SLC35G2: variants seen among roughly 807,000 people sequenced by gnomAD.
SLC35G2 encodes transmembrane protein 22.
SLC35G2 carries 20 observed loss-of-function variants against 27.2 expected under a neutral mutation model. The ratio of observed to expected loss-of-function variants is 0.74; its 90% CI spans 0.52 to 1.07. SLC35G2 has a LOEUF of 1.07. SLC35G2 is among the 50% of genes least tolerant of loss of function. The probability of loss-of-function intolerance (pLI) is 0.00; values close to 1 mark genes in which losing one functional copy is unlikely to be tolerated. For missense variants in SLC35G2, 416 were observed against 493.3 expected, an observed-to-expected ratio of 0.84 and a Z score of 1.48; for synonymous variants, 148 against 165.3, an observed-to-expected ratio of 0.90 and a Z score of 0.80.
intron 1 of SLC35G2, among the ~76,000 whole-genome samples, chr3:136,849,093 C>A (rs1236508610): frequency 6.6e-6 from 1 of 151,690 alleles, no homozygotes; most frequent in Non-Finnish European, 1.5e-5. Context: ...GCAGGAGAGT[C>A]GCTTGAATCC....
chr3:136,826,382 G>T (rs1016517630), intron 1 of SLC35G2, among the ~76,000 whole-genome samples: 8 of 152,122 alleles, frequency 5.3e-5, no homozygotes, highest in African/African-American at 9.7e-5. Flanking sequence ...ATTCAGTAAA[G>T]TTGCAGGATA....
rs1471820875 is a variant in SLC35G2 at position 136,832,937 on chromosome 3, C to T, written c.-19+13309C>T. 5.3e-5 allele frequency among the ~76,000 whole-genome samples: 8 copies of T among 151,996 alleles called. 1 individual carries two copies. The highest frequency in any genetic ancestry group is 4.1e-4 in the South Asian group (2 of 4,822). ...CAAAAAAATTAGCCAGGCATGGTGG[C>T]GGGCGCCTGTAGTCCCAGCTACTTG... On this transcript the variant is annotated intron_variant, in intron 1 of 1. Transcript: ENST00000446465.
chr3:136,829,085 ACGT>A (rs1936659283), intron 1 of SLC35G2, among the ~76,000 whole-genome samples: 1 of 152,146 alleles, frequency 6.6e-6, no homozygotes, highest in Non-Finnish European at 1.5e-5. Flanking sequence ...TGTACTGTCT[ACGT>A]CTTGAAAATT....
rs759236166 is a variant in SLC35G2, at chr3:136,854,967, C to G, written c.507C>G (p.Phe169Leu). 6.2e-7 allele frequency: 1 copy of G among 1,614,142 alleles called. No homozygotes were observed. Among genetic ancestry groups the G allele is most frequent in the Non-Finnish European group, 8.5e-7 (1 of 1,180,018 alleles). Residue 169 changes from phenylalanine to leucine, a missense_variant, in exon 2 of 2, where the codon TTC becomes TTG. By Grantham distance (22) the Phe-to-Leu change is conservative. Transcript: ENST00000446465. ...FGPSGYRLRL[F>L]FYGVCNVISI... ...CCAGTGGATACAGATTACGACTCTT[C>G]TTTTATGGTGTATGCAATGTCATTT...
chr3:136,834,465 G>A (rs1040044799), intron 1 of SLC35G2, among the ~76,000 whole-genome samples: 1 of 152,238 alleles, frequency 6.6e-6, no homozygotes. Flanking sequence ...GAGTAGCTGG[G>A]ATTATAGGCA....
chr3:136,829,965 T>C (rs1451361877), intron 1 of SLC35G2, among the ~76,000 whole-genome samples: 2 of 152,042 alleles, frequency 1.3e-5, no homozygotes, highest in East Asian at 1.9e-4. Flanking sequence ...TCTCTTTCTC[T>C]AGGTTTGGGA....
chr3:136,836,884 G>T (rs1461753991), intron 1 of SLC35G2, among the ~76,000 whole-genome samples: 4 of 152,146 alleles, frequency 2.6e-5, no homozygotes, highest in African/African-American at 9.7e-5. Flanking sequence ...TGAAATTCTA[G>T]GAGCTGGATG....
chr3:136,820,202 G>C (rs1936414464), intron 1 of SLC35G2: 1 of 152,116 alleles, frequency 6.6e-6, no homozygotes, highest in African/African-American at 2.4e-5. Context: ...GAGTGCTGGG[G>C]GTGGGTCCAG....
rs1379074797 is a variant in SLC35G2, at chr3:136,855,278, T to C, written c.818T>C (p.Ile273Thr). The change falls in exon 2 of 2, where the codon ATA (isoleucine) becomes ACA (threonine). Residue 273 changes from isoleucine to threonine, a missense_variant. Coordinates refer to ENST00000446465, the MANE Select transcript of SLC35G2 (RefSeq NM_025246.3). ...GGACTGACCACTGCTCTCTCAATGA[T>C]AGTATACAGATCCATCAAGGAGAAG... ...MAGLTTALSM[I>T]VYRSIKEKIS... The C allele has an allele frequency of 6.2e-6, 10 of 1,614,212 alleles. No individual in the cohort carries two copies. Among genetic ancestry groups the C allele is most frequent in the Middle Eastern group, 1.6e-4 (1 of 6,062 alleles).
chr3:136,819,851 A>G (rs1936401439), intron 1 of SLC35G2: 1 of 152,200 alleles, frequency 6.6e-6, no homozygotes. Context: ...TTAGTGGAGG[A>G]AGGGCCTCGT....
At chr3:136,820,748 G>C (rs982602167) in intron 1 of SLC35G2, among the ~76,000 whole-genome samples, 8 of 152,080 alleles carry the variant, frequency 5.3e-5, no homozygotes, top group African/African-American at 1.9e-4. Flanking sequence ...TAGTAAATGT[G>C]AACTCTGCAG....
At chr3:136,838,068 C>T (rs1192527398) in intron 1 of SLC35G2, 1 of 151,860 alleles carries the variant, frequency 6.6e-6, no homozygotes, top group African/African-American at 2.4e-5. Context: ...GGTCTCAAAT[C>T]TCCTGAGCTC....
chr3:136,837,428 G>GGAAATATATACATATATGAAAAACAAACA (rs1936905044), intron 1 of SLC35G2: 2 of 151,732 alleles, frequency 1.3e-5, no homozygotes, highest in Non-Finnish European at 2.9e-5. Context: ...TGATTTCAAA[G>GGAAATATATACATATATGAAAAACAAACA]GAAATATATA....
chr3:136,826,337 G>A (rs1483356621), intron 1 of SLC35G2, among the ~76,000 whole-genome samples: 1 of 152,056 alleles, frequency 6.6e-6, no homozygotes, highest in African/African-American at 2.4e-5. Context: ...ACGAGGTCCT[G>A]GGCTTTTCTT....
In SLC35G2 at chr3:136,855,360, A is replaced by G. The variant is rs759863870; in HGVS notation, c.900A>G (p.Ile300Met). ...GTTGGACTGGGACAATTTGGGGAAT[A>G]TCTACTATGTTTATTCTTCAAGAAC... The part of the protein sequence containing the change: ...TFGWTGTIWG[I>M]STMFILQEPI... Residue 300 changes from isoleucine to methionine, a missense_variant, in exon 2 of 2, where the codon ATA becomes ATG. Coordinates refer to ENST00000446465, the MANE Select transcript of SLC35G2 (RefSeq NM_025246.3). 1 of 1,614,196 alleles carries G rather than the reference A, an allele frequency of 6.2e-7. No homozygotes were observed. Among genetic ancestry groups the G allele is most frequent in the East Asian group, 2.2e-5 (1 of 44,886 alleles).
intron 1 of SLC35G2, among the ~76,000 whole-genome samples, chr3:136,847,437 G>A (rs1472648718): frequency 6.6e-6 from 1 of 152,154 alleles, no homozygotes; most frequent in East Asian, 1.9e-4. Flanking sequence ...GCCTATTAGA[G>A]TTAGCAGAAG....
intron 1 of SLC35G2, among the ~76,000 whole-genome samples, chr3:136,828,079 A>T (rs917520049): frequency 2.0e-5 from 3 of 152,150 alleles, no homozygotes; most frequent in Admixed American, 6.6e-5. Flanking sequence ...TGCCCACCTC[A>T]GCCTCCCAAA....
intron 1 of SLC35G2, chr3:136,839,029 C>A (rs1459468199): frequency 6.6e-6 from 1 of 151,770 alleles, no homozygotes; most frequent in Admixed American, 6.6e-5. Context: ...TCTCCCCCTT[C>A]TAGTGATGGC....
chr3:136,852,103 G>GA (rs1199959971), intron 1 of SLC35G2, among the ~76,000 whole-genome samples: 1 of 152,102 alleles, frequency 6.6e-6, no homozygotes, highest in Admixed American at 6.6e-5. Flanking sequence ...GGACATTAGG[G>GA]AAAAAAATCT....
Sources: gnomAD v4.1 joint callset for allele counts (sites outside exome capture counted in the v4.1 genomes callset) on GRCh38, gnomAD v4.1.1 for gene constraint, MANE v1.5 for transcripts, NCBI Gene and HGNC (gene_info 2026-07-23, HGNC 2026-07-21) for gene names.